CTDSPL: variants seen among roughly 807,000 people sequenced by gnomAD.
CTDSPL encodes the protein CTD small phosphatase-like protein.
CTDSPL carries 8 observed loss-of-function variants against 30.5 expected under a neutral mutation model. That is an observed-to-expected ratio of 0.26 (90% CI 0.15 to 0.47). CTDSPL has a LOEUF of 0.47. Ranked by LOEUF, CTDSPL falls within the 20% of genes least tolerant of loss-of-function variation. CTDSPL has a pLI of 0.99. For synonymous variants in CTDSPL, 110 were observed against 137.9 expected, an observed-to-expected ratio of 0.80 and a Z score of 1.42; for missense variants, 248 against 366.1, an observed-to-expected ratio of 0.68 and a Z score of 2.63.
In CTDSPL at chr3:37,981,733, A is replaced by T; in HGVS notation, c.*866A>T. Reference sequence around the variant, plus strand: ...CCATACATTTGTGTTTTTTGTTGTTATTGTTTGGGTAGAGCAGTTACAAGA... The same window carrying T: ...CCATACATTTGTGTTTTTTGTTGTTTTTGTTTGGGTAGAGCAGTTACAAGA... On this transcript the variant is annotated 3_prime_UTR_variant, in exon 8 of 8. Coordinates refer to ENST00000273179, the MANE Select transcript of CTDSPL (RefSeq NM_001008392.2). The T allele has an allele frequency of 9.5e-6, 4 of 420,390 alleles. No individual in the cohort carries two copies. Among genetic ancestry groups the T allele is most frequent in the Admixed American group, 2.6e-5 (1 of 38,020 alleles). The allele number at this position is 420,390 out of a possible 1,614,324, so 26.0% of individuals were successfully genotyped here. A position where few individuals can be genotyped will look rare whatever the true frequency, so the allele number is the denominator to read the frequency against.
At chr3:37,917,024 C>T (rs1439489130) in intron 1 of CTDSPL, among the ~76,000 whole-genome samples, 2 of 152,138 alleles carry the variant, frequency 1.3e-5, no homozygotes, top group African/African-American at 2.4e-5. Flanking sequence ...TTTCTAGTGT[C>T]GTAGGTATAA....
At chr3:37,906,519 A>G (rs553494606) in intron 1 of CTDSPL, among the ~76,000 whole-genome samples, 21 of 152,318 alleles carry the variant, frequency 1.4e-4, no homozygotes, top group Admixed American at 1.0e-3. Context: ...CTCTGAAAAA[A>G]GATGACCACA....
chr3:37,951,309 A>C (rs1260437993), intron 2 of CTDSPL, among the ~76,000 whole-genome samples: 3 of 151,862 alleles, frequency 2.0e-5, no homozygotes, highest in Admixed American at 1.3e-4. Flanking sequence ...TGGAGCTTGC[A>C]TTGAGCCGAG....
chr3:37,864,022 T>C (rs549552910), intron 1 of CTDSPL, among the ~76,000 whole-genome samples: 1 of 152,186 alleles, frequency 6.6e-6, no homozygotes, highest in East Asian at 1.9e-4. Flanking sequence ...CTTCCTGCCA[T>C]AGGGGCTGTT....
intron 1 of CTDSPL, among the ~76,000 whole-genome samples, chr3:37,872,162 T>C (rs1182247391): frequency 1.3e-5 from 2 of 152,134 alleles, no homozygotes. Flanking sequence ...CCTGGCTTAA[T>C]GTTTTGTATT....
chr3:37,919,486 A>G (rs1347894796), intron 1 of CTDSPL, among the ~76,000 whole-genome samples: 2 of 152,226 alleles, frequency 1.3e-5, no homozygotes, highest in Admixed American at 1.3e-4. Context: ...CTTTTTTTAA[A>G]AAGTGAAGTG....
chr3:37,883,385 C>T (rs771143140), intron 1 of CTDSPL, among the ~76,000 whole-genome samples: 2 of 152,134 alleles, frequency 1.3e-5, no homozygotes, highest in East Asian at 1.9e-4. Flanking sequence ...AAGTGGTCCA[C>T]GAATAGAATT....
At chr3:37,875,894 G>GTATAGA (rs1462736824) in intron 1 of CTDSPL, among the ~76,000 whole-genome samples, 1 of 152,178 alleles carries the variant, frequency 6.6e-6, no homozygotes, top group Non-Finnish European at 1.5e-5. Flanking sequence ...ATACTCTGTA[G>GTATAGA]TAGACCTTGT....
intron 1 of CTDSPL, among the ~76,000 whole-genome samples, chr3:37,867,487 G>C (rs1200503029): frequency 6.6e-6 from 1 of 152,130 alleles, no homozygotes. Flanking sequence ...GTGTGCAATT[G>C]CTGGATCATA....
chr3:37,933,075 C>T (rs928771542), intron 1 of CTDSPL, among the ~76,000 whole-genome samples: 2 of 151,238 alleles, frequency 1.3e-5, no homozygotes, highest in African/African-American at 4.9e-5. Flanking sequence ...ATCGCTTGAA[C>T]CTGGGAGGTG....
At chr3:37,946,559 C>T (rs769261434) in intron 1 of CTDSPL, among the ~76,000 whole-genome samples, 16 of 152,320 alleles carry the variant, frequency 1.1e-4, no homozygotes, top group East Asian at 1.9e-4. Flanking sequence ...TCTTAACCCA[C>T]GAAGTTAGTC....
chr3:37,920,974 A>G (rs1460281743), intron 1 of CTDSPL, among the ~76,000 whole-genome samples: 4 of 152,144 alleles, frequency 2.6e-5, no homozygotes, highest in African/African-American at 9.7e-5. Context: ...AGCCCTTTCT[A>G]TCACCTGTAG....
chr3:37,937,696 C>T (rs1575307820), intron 1 of CTDSPL, among the ~76,000 whole-genome samples: 1 of 150,478 alleles, frequency 6.6e-6, no homozygotes, highest in East Asian at 2.0e-4. Flanking sequence ...GTAGATCAGT[C>T]ATCACCTGGG....
At chr3:37,931,303 T>A (rs6775702) in intron 1 of CTDSPL, among the ~76,000 whole-genome samples, 46,357 of 151,806 alleles carry the variant, frequency 0.31, 8,962 homozygotes, top group African/African-American at 0.55. Context: ...GCACTCCACT[T>A]CAACTAGCCA....
intron 1 of CTDSPL, among the ~76,000 whole-genome samples, chr3:37,908,712 C>T (rs1443950941): frequency 6.6e-6 from 1 of 152,228 alleles, no homozygotes; most frequent in East Asian, 1.9e-4. Context: ...GTGCAAATTA[C>T]TAAATTGCTT....
chr3:37,877,851 T>C (rs944682698), intron 1 of CTDSPL, among the ~76,000 whole-genome samples: 1 of 152,142 alleles, frequency 6.6e-6, no homozygotes, highest in African/African-American at 2.4e-5. Context: ...TCAGACTCTC[T>C]TTAATAATCA....
At chr3:37,916,983 T>G (rs767984019) in intron 1 of CTDSPL, among the ~76,000 whole-genome samples, 1 of 152,206 alleles carries the variant, frequency 6.6e-6, no homozygotes, top group Non-Finnish European at 1.5e-5. Flanking sequence ...TCCACTGACA[T>G]GCTGCAGGTT....
intron 7 of CTDSPL, among the ~76,000 whole-genome samples, chr3:37,978,408 A>C (rs955166220): frequency 1.3e-5 from 2 of 152,194 alleles, no homozygotes; most frequent in Non-Finnish European, 2.9e-5. Context: ...GCATATACAT[A>C]ATTGGATATC....
chr3:37,930,546 G>A (rs1057447155), intron 1 of CTDSPL, among the ~76,000 whole-genome samples: 5 of 152,094 alleles, frequency 3.3e-5, no homozygotes, highest in Non-Finnish European at 7.4e-5. Context: ...TGGGCCTCAA[G>A]CAATCCTCTC....
Sources: allele counts gnomAD v4.1 joint callset (sites outside exome capture counted in the v4.1 genomes callset), GRCh38; gene constraint gnomAD v4.1.1; transcripts MANE v1.5; gene names NCBI Gene and HGNC (gene_info 2026-07-23, HGNC 2026-07-21).